Variants in CACHD1 observed in about 807,000 individuals in gnomAD.
CACHD1 encodes the protein cache domain containing 1.
A neutral mutation model predicts 138.7 loss-of-function variants in CACHD1; 71 were observed. The observed-to-expected ratio is 0.51, with a 90% CI of 0.42 to 0.62. CACHD1 has a LOEUF of 0.62. CACHD1 is among the 20% of genes least tolerant of loss of function. The pLI, the probability that CACHD1 is intolerant of heterozygous loss-of-function variation, is 0.00. For synonymous variants in CACHD1, 578 were observed against 591.5 expected, an observed-to-expected ratio of 0.98 and a Z score of 0.33; for missense variants, 1,389 against 1,625.3, an observed-to-expected ratio of 0.85 and a Z score of 2.50.
intron 20 of CACHD1, 142 bp downstream of exon 20, chr1:64,675,703 C>T (rs1557552133): frequency 9.3e-7 from 1 of 1,074,800 alleles, no homozygotes; most frequent in Non-Finnish European, 1.4e-6. Context: ...CCACTTAGAG[C>T]TGTGCCGTTT....
At chr1:64,515,423 T>C (rs1646451587) in intron 1 of CACHD1, among the ~76,000 whole-genome samples, 1 of 152,344 alleles carries the variant, frequency 6.6e-6, no homozygotes, top group African/African-American at 2.4e-5. Context: ...GTTTCCAGTA[T>C]GATTGGTGTG....
chr1:64,518,709 G>C (rs1557472071), intron 1 of CACHD1, among the ~76,000 whole-genome samples: 1 of 152,162 alleles, frequency 6.6e-6, no homozygotes, highest in Non-Finnish European at 1.5e-5. Context: ...AAGGTATATA[G>C]ATGGCTAGTT....
intron 1 of CACHD1, among the ~76,000 whole-genome samples, chr1:64,498,935 A>G (rs1646322409): frequency 6.6e-6 from 1 of 152,212 alleles, no homozygotes; most frequent in African/African-American, 2.4e-5. Flanking sequence ...CTAAAACAGT[A>G]TTAATTATTT....
intron 3 of CACHD1, among the ~76,000 whole-genome samples, chr1:64,599,580 T>G (rs1647193834): frequency 6.6e-6 from 1 of 152,124 alleles, no homozygotes; most frequent in African/African-American, 2.4e-5. Flanking sequence ...TCGGATAGAT[T>G]ATTGTTGACA....
At chr1:64,615,136 C>T (rs1647667503) in intron 4 of CACHD1, among the ~76,000 whole-genome samples, 1 of 152,192 alleles carries the variant, frequency 6.6e-6, no homozygotes. Flanking sequence ...CATCCTACAG[C>T]ACGCTGCCAG....
chr1:64,688,706 T>G (rs1650444423), intron 26 of CACHD1, among the ~76,000 whole-genome samples: 1 of 152,098 alleles, frequency 6.6e-6, no homozygotes, highest in Admixed American at 6.5e-5. Flanking sequence ...TCATAGCTCA[T>G]AGCTTCAGCC....
chr1:64,634,550 A>G (rs1189291227), intron 7 of CACHD1, among the ~76,000 whole-genome samples: 1 of 151,852 alleles, frequency 6.6e-6, no homozygotes, highest in Non-Finnish European at 1.5e-5. Flanking sequence ...CGCCCAGCTA[A>G]TTTTTATATT....
intron 1 of CACHD1, among the ~76,000 whole-genome samples, chr1:64,501,119 T>A (rs1048998224): frequency 6.6e-6 from 1 of 151,834 alleles, no homozygotes; most frequent in African/African-American, 2.4e-5. Flanking sequence ...ATAGTAACAG[T>A]TTATTATAAT....
chr1:64,667,751 C>T (rs917281214), intron 16 of CACHD1, among the ~76,000 whole-genome samples: 28 of 152,132 alleles, frequency 1.8e-4, no homozygotes, highest in African/African-American at 6.8e-4. Flanking sequence ...TGTTATAGTG[C>T]AGGGAATCAA....
intron 8 of CACHD1, among the ~76,000 whole-genome samples, chr1:64,644,597 A>G (rs1175178862): frequency 6.6e-6 from 1 of 152,182 alleles, no homozygotes; most frequent in Admixed American, 6.5e-5. Flanking sequence ...TAGAGTCTCT[A>G]GTTACTTCCA....
chr1:64,640,917 CAGA>C (rs1367298980), intron 7 of CACHD1, among the ~76,000 whole-genome samples: 1 of 151,574 alleles, frequency 6.6e-6, no homozygotes, highest in South Asian at 2.1e-4. Context: ...ACCCACTTGA[CAGA>C]AGTTCTACGG....
chr1:64,591,781 A>AGG (rs1647108541), intron 3 of CACHD1, among the ~76,000 whole-genome samples: 2 of 152,330 alleles, frequency 1.3e-5, no homozygotes, highest in Admixed American at 1.3e-4. Flanking sequence ...GTTTTGGAAG[A>AGG]GGGAGGAATC....
chr1:64,594,183 G>A (rs1408850374), intron 3 of CACHD1, among the ~76,000 whole-genome samples: 1 of 151,866 alleles, frequency 6.6e-6, no homozygotes, highest in African/African-American at 2.4e-5. Flanking sequence ...GAACTCGGGA[G>A]GCAGAGGTTG....
intron 1 of CACHD1, among the ~76,000 whole-genome samples, chr1:64,510,228 G>C (rs997674890): frequency 5.3e-5 from 8 of 152,184 alleles, no homozygotes; most frequent in African/African-American, 1.9e-4. Context: ...TGCTCCAACA[G>C]CATTAAGATG....
intron 26 of CACHD1, among the ~76,000 whole-genome samples, chr1:64,688,707 A>G (rs1570487794): frequency 1.3e-5 from 2 of 151,556 alleles, no homozygotes; most frequent in South Asian, 4.2e-4. Flanking sequence ...CATAGCTCAT[A>G]GCTTCAGCCA....
At chr1:64,511,202 T>G (rs1211654932) in intron 1 of CACHD1, among the ~76,000 whole-genome samples, 14 of 152,246 alleles carry the variant, frequency 9.2e-5, no homozygotes, top group Admixed American at 8.5e-4. Context: ...GCAGGCACTG[T>G]ACTTTAATCT....
chr1:64,664,578 C>T lies in CACHD1; in HGVS notation c.2175C>T (p.Asn725=). 6.2e-7 allele frequency: 1 copy of T among 1,614,186 alleles called. No homozygotes were observed. The highest frequency in any genetic ancestry group is 8.5e-7 in the Non-Finnish European group (1 of 1,180,006). Residue 725 remains asparagine (N), a synonymous_variant, in exon 15 of 27, where the codon AAC becomes AAT. Coordinates refer to ENST00000651257, the MANE Select transcript of CACHD1 (RefSeq NM_020925.4). ...WMTQMEMSSL[N]TYIVRRYIAT... ...CACAAATGGAAATGAGTAGCCTGAACACTTACATTGTCCGCCGTTACATAG... is the reference window on the plus strand; with the variant it reads ...CACAAATGGAAATGAGTAGCCTGAATACTTACATTGTCCGCCGTTACATAG...
At chr1:64,540,802 C>A (rs1646671488) in intron 1 of CACHD1, among the ~76,000 whole-genome samples, 1 of 152,170 alleles carries the variant, frequency 6.6e-6, no homozygotes, top group Non-Finnish European at 1.5e-5. Context: ...ATGGAGTGAA[C>A]CAAAATAGGC....
At position 64,517,751 on chromosome 1, in the gene CACHD1, C is replaced by CT. The variant is rs1197245195; in HGVS notation, c.199-32842dup. The stretch of plus-strand genomic sequence containing the variant: ...TTGTGATCATTATCACCATGAGCTT[C>CT]TCCTCAGGAGGAGGGACCTGGACAG... On this transcript the variant is annotated intron_variant, in intron 1 of 26. Coordinates refer to ENST00000651257, the MANE Select transcript of CACHD1 (RefSeq NM_020925.4). 2.6e-5 allele frequency among the ~76,000 whole-genome samples: 4 copies of CT among 152,198 alleles called. No homozygotes were observed. The East Asian group carries it at 7.7e-4, about 29-fold the overall frequency.
Sources: gnomAD v4.1 joint callset for allele counts (sites outside exome capture counted in the v4.1 genomes callset) on GRCh38, gnomAD v4.1.1 for gene constraint, MANE v1.5 for transcripts, NCBI Gene and HGNC (gene_info 2026-07-23, HGNC 2026-07-21) for gene names.